PIK3C2G: variants seen among roughly 807,000 people sequenced by gnomAD.
PIK3C2G encodes the protein phosphatidylinositol-4-phosphate 3-kinase catalytic subunit type 2 gamma, also known as phosphatidylinositol 3-kinase C2 domain-containing subunit gamma.
PIK3C2G carries 168 observed loss-of-function variants against 181.1 expected under a neutral mutation model. The observed-to-expected ratio is 0.93, with a 90% CI of 0.82 to 1.05. The LOEUF (loss-of-function observed/expected upper bound fraction) is 1.05. Among genes scored for constraint, PIK3C2G ranks in the 50% least tolerant of loss-of-function variants. PIK3C2G has a pLI of 0.00. For synonymous variants in PIK3C2G, 573 were observed against 592.2 expected (o/e 0.97, Z 0.47); for missense variants, 1,869 against 1,732.8 (o/e 1.08, Z -1.40).
Position 18,325,082 on chromosome 12 carries a change from A to G in PIK3C2G, c.1256A>G (p.Tyr419Cys), listed in dbSNP as rs777131759. Residue 419 changes from tyrosine to cysteine, a missense_variant, in exon 8 of 33, where the codon TAC becomes TGC. Tyr to Cys is a radical substitution (Grantham distance 194). Transcript: ENST00000538779. ...AGAAAATATGACTTCCACCTGAAAT[A>G]CCTATTGAAAACCCAGGTATTGACT... is the stretch of plus-strand genomic sequence containing the variant. ...LIRKYDFHLK[Y>C]LLKTQENVYN... 5.1e-6 allele frequency: 8 copies of G among 1,565,760 alleles called. No homozygotes were observed. In the African/African-American group the frequency reaches 9.5e-5, roughly 19 times the overall value.
At chr12:18,543,836 CATTT>C (rs1324532907) in intron 25 of PIK3C2G, among the ~76,000 whole-genome samples, 1 of 151,774 alleles carries the variant, frequency 6.6e-6, no homozygotes, top group Admixed American at 6.6e-5. Flanking sequence ...TTATCCCAGA[CATTT>C]ATTAAAATCT....
At chr12:18,701,528 A>G in the PIK3C2G span, 1 of 1,613,970 alleles carries the variant, frequency 6.2e-7, no homozygotes, top group East Asian at 2.2e-5. Context: ...GCATTACTCC[A>G]GGTAACTTTT....
intron 16 of PIK3C2G, among the ~76,000 whole-genome samples, chr12:18,415,375 G>A (rs1565696712): frequency 6.6e-6 from 1 of 152,148 alleles, no homozygotes; most frequent in African/African-American, 2.4e-5. Context: ...TTGTTTTGAG[G>A]CACCACAAGG....
At chr12:18,521,979 G>A (rs1942950554) in intron 24 of PIK3C2G, among the ~76,000 whole-genome samples, 1 of 152,150 alleles carries the variant, frequency 6.6e-6, no homozygotes, top group Non-Finnish European at 1.5e-5. Flanking sequence ...GCCTCCCTTG[G>A]CTGGGGGGTG....
At chr12:18,339,566 A>G (rs899770395) in intron 9 of PIK3C2G, among the ~76,000 whole-genome samples, 11 of 152,136 alleles carry the variant, frequency 7.2e-5, no homozygotes, top group African/African-American at 2.7e-4. Flanking sequence ...AACAAGAGAA[A>G]TTCTACTACT....
At chr12:18,353,983 T>C (rs1158645921) in intron 11 of PIK3C2G, among the ~76,000 whole-genome samples, 2 of 152,186 alleles carry the variant, frequency 1.3e-5, no homozygotes, top group Non-Finnish European at 2.9e-5. Context: ...GGGTCATCCA[T>C]TGATACTGCA....
chr12:18,672,954 G>A, the PIK3C2G span, among the ~76,000 whole-genome samples: 2 of 152,278 alleles, frequency 1.3e-5, no homozygotes, highest in African/African-American at 2.4e-5. Context: ...CAGCTTTCAG[G>A]AAGAAGTGAG....
chr12:18,304,249 T>G (rs1950325922), intron 5 of PIK3C2G, among the ~76,000 whole-genome samples: 1 of 152,144 alleles, frequency 6.6e-6, no homozygotes. Context: ...TCATGACAAT[T>G]TATATTAATT....
In PIK3C2G at chr12:18,569,642, T is replaced by C. The variant is rs531191512; in HGVS notation, c.4011+2585T>C. ...CCCATGTTGTTCCTATACCCAGGAA[T>C]AGAATTTCCAGATTGTAGGATATAC... On this transcript the variant is annotated intron_variant, in intron 29 of 32. Coordinates refer to ENST00000538779, the MANE Select transcript of PIK3C2G (RefSeq NM_001288772.2). 2.6e-5 allele frequency among the ~76,000 whole-genome samples: 4 copies of C among 152,302 alleles called. No individual in the cohort carries two copies. In the South Asian group the frequency reaches 8.3e-4, roughly 32 times the overall value.
rs921531507 is a variant in PIK3C2G at position 18,503,502 on chromosome 12, G to C, written c.3153+85G>C. ...ATTAGATATTCTGATTTGTAGAAAA[G>C]TAAATTAAGTGCACTTTGAGTTCTA... On this transcript the variant is annotated intron_variant, in intron 23 of 32. Coordinates refer to ENST00000538779, the MANE Select transcript of PIK3C2G (RefSeq NM_001288772.2). 15 of 941,540 alleles carry C rather than the reference G, an allele frequency of 1.6e-5. No individual in the cohort carries two copies. In the East Asian group the frequency reaches 2.4e-4, roughly 15 times the overall value. The allele number at this position is 941,540 out of a possible 1,614,324, so 58.3% of individuals were successfully genotyped here.
At chr12:18,308,546 C>G (rs564325990) in intron 5 of PIK3C2G, among the ~76,000 whole-genome samples, 2 of 151,092 alleles carry the variant, frequency 1.3e-5, no homozygotes, top group South Asian at 4.2e-4. Context: ...TTATCTATCT[C>G]TGCTTGCTTG....
chr12:18,324,746 G>T (rs1951258686), intron 7 of PIK3C2G, among the ~76,000 whole-genome samples: 1 of 152,140 alleles, frequency 6.6e-6, no homozygotes, highest in South Asian at 2.1e-4. Context: ...CTTACGGTTT[G>T]AATTAAGAGT....
intron 1 of PIK3C2G, among the ~76,000 whole-genome samples, chr12:18,262,156 C>T (rs1326441306): frequency 1.3e-5 from 2 of 152,080 alleles, no homozygotes; most frequent in Non-Finnish European, 2.9e-5. Flanking sequence ...CTGCTGTTTG[C>T]CTACCTCTTT....
chr12:18,386,213 C>T lies in PIK3C2G; in HGVS notation c.1995+4333C>T, dbSNP rs377186832. Among the ~76,000 whole-genome samples the T allele has an allele frequency of 9.2e-5, 14 of 152,260 alleles. 1 individual carries two copies. Among genetic ancestry groups the T allele is most frequent in the African/African-American group, 2.9e-4 (12 of 41,542 alleles). The stretch of plus-strand genomic sequence containing the variant: ...TTCTCAAAGGTTCCAGTCTGCAGCC[C>T]GCTGCCGTGCACAGTGGACATATTC... On this transcript the variant is annotated intron_variant, in intron 14 of 32. Coordinates refer to ENST00000538779, the MANE Select transcript of PIK3C2G (RefSeq NM_001288772.2).
chr12:18,305,243 G>C (rs1235347688), intron 5 of PIK3C2G, among the ~76,000 whole-genome samples: 2 of 152,140 alleles, frequency 1.3e-5, no homozygotes, highest in African/African-American at 4.8e-5. Flanking sequence ...CTTCACTTGA[G>C]AGTGAAATCC....
chr12:18,668,415 C>T, the PIK3C2G span, among the ~76,000 whole-genome samples: 2 of 152,140 alleles, frequency 1.3e-5, no homozygotes, highest in African/African-American at 4.8e-5. Flanking sequence ...CCTTGCTCAT[C>T]CATCAGAAAT....
intron 18 of PIK3C2G, among the ~76,000 whole-genome samples, chr12:18,485,407 CACTTA>C (rs1191792394): frequency 1.3e-5 from 2 of 152,114 alleles, no homozygotes; most frequent in African/African-American, 4.8e-5. Flanking sequence ...CACTATAATT[CACTTA>C]ACTTAAATAC....
intron 24 of PIK3C2G, among the ~76,000 whole-genome samples, chr12:18,524,190 G>A (rs1943091618): frequency 1.3e-5 from 2 of 152,176 alleles, no homozygotes; most frequent in South Asian, 2.1e-4. Flanking sequence ...AAGACTGAAT[G>A]TGTGCCTCCA....
chr12:18,625,382 G>A (rs1489876560), intron 31 of PIK3C2G, among the ~76,000 whole-genome samples: 1 of 151,676 alleles, frequency 6.6e-6, no homozygotes, highest in Non-Finnish European at 1.5e-5. Context: ...GGTTAGAAAA[G>A]GTACTTGCTG....
Sources: gnomAD v4.1 joint callset for allele counts (sites outside exome capture counted in the v4.1 genomes callset) on GRCh38, gnomAD v4.1.1 for gene constraint, MANE v1.5 for transcripts, NCBI Gene and HGNC (gene_info 2026-07-23, HGNC 2026-07-21) for gene names.